PM20D2: variants seen among roughly 807,000 people sequenced by gnomAD.
PM20D2 encodes the protein xaa-Arg dipeptidase.
A neutral mutation model predicts 42.9 loss-of-function variants in PM20D2; 33 were observed. The ratio of observed to expected loss-of-function variants is 0.77; its 90% CI spans 0.58 to 1.03. The LOEUF is 1.03. Among genes scored for constraint, PM20D2 ranks in the 50% least tolerant of loss-of-function variants. The pLI is 0.00. For missense variants in PM20D2, 548 were observed against 557.0 expected (o/e 0.98, Z 0.16); for synonymous variants, 250 against 228.2 (o/e 1.10, Z -0.86).
chr6:89,095,684 G>C, the PM20D2 span, among the ~76,000 whole-genome samples: 1 of 152,182 alleles, frequency 6.6e-6, no homozygotes, highest in Non-Finnish European at 1.5e-5. Context: ...AAATAAATTA[G>C]CCCAGTGGCC....
chr6:89,154,068 T>A (rs2127778322), intron 3 of PM20D2, among the ~76,000 whole-genome samples: 1 of 152,368 alleles, frequency 6.6e-6, no homozygotes, highest in African/African-American at 2.4e-5. Context: ...CTGAGGTCAA[T>A]TTGTAATTGT....
At chr6:89,148,056 C>CTACA (rs1939627063) in intron 1 of PM20D2, among the ~76,000 whole-genome samples, 1 of 146,684 alleles carries the variant, frequency 6.8e-6, no homozygotes, top group Non-Finnish European at 1.5e-5. Context: ...TCTCGGCTCA[C>CTACA]TACAACCTCC....
chr6:89,118,998 C>A, the PM20D2 span, among the ~76,000 whole-genome samples: 1 of 152,224 alleles, frequency 6.6e-6, no homozygotes, highest in Non-Finnish European at 1.5e-5. Context: ...TGTAACCAGG[C>A]AACTCCTAAG....
chr6:89,143,971 C>T (rs149700004), upstream of PM20D2, among the ~76,000 whole-genome samples: 19 of 152,246 alleles, frequency 1.2e-4, no homozygotes, highest in East Asian at 1.7e-3. Context: ...AAATGCTGAC[C>T]ATAAGATGTT....
At chr6:89,109,813 C>T in the PM20D2 span, among the ~76,000 whole-genome samples, 3 of 152,148 alleles carry the variant, frequency 2.0e-5, no homozygotes, top group Non-Finnish European at 2.9e-5. Context: ...ATTTTCTGGC[C>T]GGGCGCGGTG....
chr6:89,136,153 G>C, the PM20D2 span, among the ~76,000 whole-genome samples: 3 of 151,096 alleles, frequency 2.0e-5, no homozygotes. Flanking sequence ...CTTTCCCTTA[G>C]TTGGAACCCA....
chr6:89,123,098 C>T, the PM20D2 span, among the ~76,000 whole-genome samples: 2 of 152,242 alleles, frequency 1.3e-5, no homozygotes, highest in South Asian at 4.2e-4. Context: ...ACTTAGAAGG[C>T]CTGTCACTTT....
Position 89,149,301 on chromosome 6 carries a change from G to A in PM20D2, c.502G>A (p.Gly168Ser). Residue 168 changes from glycine (G) to serine (S), a missense_variant, in exon 2 of 7, where the codon GGT (glycine) becomes AGT (serine). By Grantham distance (56) the Gly-to-Ser change is moderately conservative. Transcript: ENST00000275072. ...GGGAACCCCTGCAGAAGAAGATGGTGGTGGCAAAATTGATTTAATTGAAGC... is the reference window on the plus strand; with the variant it reads ...GGGAACCCCTGCAGAAGAAGATGGTAGTGGCAAAATTGATTTAATTGAAGC... ...VLGTPAEEDG[G>S]GKIDLIEAGA... 1.2e-6 allele frequency: 2 copies of A among 1,613,984 alleles called. No individual in the cohort carries two copies. The highest frequency in any genetic ancestry group is 2.2e-5 in the South Asian group (2 of 91,062).
the PM20D2 span, among the ~76,000 whole-genome samples, chr6:89,099,734 C>T: frequency 6.6e-6 from 1 of 152,026 alleles, no homozygotes; most frequent in African/African-American, 2.4e-5. Flanking sequence ...GGGATTTCTC[C>T]ATGTTGGTCA....
At chr6:89,116,318 G>GT in the PM20D2 span, among the ~76,000 whole-genome samples, 1 of 152,072 alleles carries the variant, frequency 6.6e-6, no homozygotes, top group Non-Finnish European at 1.5e-5. Context: ...CAACTGCAAG[G>GT]TTTTTTAATT....
the PM20D2 span, among the ~76,000 whole-genome samples, chr6:89,140,692 G>GAA: frequency 1.3e-5 from 2 of 152,178 alleles, no homozygotes; most frequent in African/African-American, 2.4e-5. Flanking sequence ...CAGGGCAAAG[G>GAA]AAAAGCCTAT....
chr6:89,145,053 T>G (rs1484326104), upstream of PM20D2, among the ~76,000 whole-genome samples: 1 of 152,232 alleles, frequency 6.6e-6, no homozygotes, highest in Admixed American at 6.5e-5. Flanking sequence ...ATATATTGTG[T>G]CCCATTTAAC....
At chr6:89,133,398 A>G in the PM20D2 span, among the ~76,000 whole-genome samples, 1 of 151,056 alleles carries the variant, frequency 6.6e-6, no homozygotes, top group Non-Finnish European at 1.5e-5. Flanking sequence ...ATGTAATTAT[A>G]TGTTTATCAA....
chr6:89,149,115 A>G (rs1770736403), intron 1 of PM20D2, 150 bp from the exon 2 acceptor site: 1 of 877,264 alleles, frequency 1.1e-6, no homozygotes, highest in Non-Finnish European at 1.7e-6. Context: ...CCATTTGTTG[A>G]TGCCCATTGC....
intron 4 of PM20D2, among the ~76,000 whole-genome samples, chr6:89,157,777 G>A (rs1458360220): frequency 6.6e-6 from 1 of 152,174 alleles, no homozygotes; most frequent in Non-Finnish European, 1.5e-5. Context: ...GGCCGAGACG[G>A]GCAGATCACA....
chr6:89,129,588 ATTT>A, the PM20D2 span, among the ~76,000 whole-genome samples: 34 of 106,662 alleles, frequency 3.2e-4, no homozygotes, highest in Admixed American at 4.0e-4. Context: ...TCTGTTTCTA[ATTT>A]TTTTTTTTTT....
chr6:89,108,380 G>C, the PM20D2 span, among the ~76,000 whole-genome samples: 23 of 152,312 alleles, frequency 1.5e-4, no homozygotes, highest in African/African-American at 5.3e-4. Context: ...CAGAATTTCA[G>C]GTTATTTACA....
chr6:89,148,386 GC>G lies in PM20D2; in HGVS notation c.466-878del, dbSNP rs1363438666. 3.3e-4 allele frequency: 84 copies of G among 253,118 alleles called. 1 individual carries two copies. Among genetic ancestry groups the G allele is most frequent in the African/African-American group, 1.9e-3 (82 of 43,286 alleles). The allele number at this position is 253,118 out of a possible 1,614,324, so 15.7% of individuals were successfully genotyped here. A position where few individuals can be genotyped will look rare whatever the true frequency, so the allele number is the denominator to read the frequency against. The stretch of plus-strand genomic sequence containing the variant: ...TCCTTTGCAAGCCAAGACTTTTCCA[GC>G]TTGTTTCATTGTGTTCTTATACATG... On this transcript the variant is annotated intron_variant, in intron 1 of 6. Coordinates refer to ENST00000275072, the MANE Select transcript of PM20D2 (RefSeq NM_001010853.3).
At chr6:89,155,112 T>C (rs146603701) in intron 4 of PM20D2, among the ~76,000 whole-genome samples, 1 of 152,306 alleles carries the variant, frequency 6.6e-6, no homozygotes, top group African/African-American at 2.4e-5. Context: ...TCATCTTACT[T>C]ATATAGTAAT....
Sources: gnomAD v4.1 joint callset for allele counts (sites outside exome capture counted in the v4.1 genomes callset) on GRCh38, gnomAD v4.1.1 for gene constraint, MANE v1.5 for transcripts, NCBI Gene and HGNC (gene_info 2026-07-23, HGNC 2026-07-21) for gene names.